RALB: variants seen among roughly 807,000 people sequenced by gnomAD.
The protein encoded by RALB is RAS like proto-oncogene B, also known as ras-related protein Ral-B.
In RALB, 16 loss-of-function variants were observed where a neutral mutation model predicts 21.3. The ratio of observed to expected loss-of-function variants is 0.75; its 90% CI spans 0.51 to 1.14. RALB has a LOEUF of 1.14. RALB is among the 50% of genes most tolerant of loss of function. RALB has a pLI of 0.00. For synonymous variants in RALB, 93 were observed against 96.1 expected (o/e 0.97, Z 0.19); for missense variants, 161 against 256.2 (o/e 0.63, Z 2.54).
intron 1 of RALB, among the ~76,000 whole-genome samples, chr2:120,268,475 C>T (rs2104610079): frequency 6.6e-6 from 1 of 152,298 alleles, no homozygotes; most frequent in South Asian, 2.1e-4. Flanking sequence ...TACCTTGTCA[C>T]CATCAGTCAA....
chr2:120,289,884 T>A lies in RALB; in HGVS notation c.501+127T>A, dbSNP rs1214474461. On this transcript the variant is annotated intron_variant, in intron 4 of 4. Transcript: ENST00000272519. ...GTGAAGATTCTGATTCCTATGAATGTCTAAGCCATTATCATGATTATAATG... is the reference window on the plus strand; with the variant it reads ...GTGAAGATTCTGATTCCTATGAATGACTAAGCCATTATCATGATTATAATG... 8.3e-6 allele frequency: 7 copies of A among 845,916 alleles called. No homozygotes were observed. The East Asian group carries it at 2.0e-4, about 25-fold the overall frequency. 52.4% of individuals were successfully genotyped at this position (845,916 alleles called of 1,614,324 possible). A position where few individuals can be genotyped will look rare whatever the true frequency, so the allele number is the denominator to read the frequency against.
chr2:120,254,966 C>T (rs145465378), intron 1 of RALB, among the ~76,000 whole-genome samples: 1 of 152,186 alleles, frequency 6.6e-6, no homozygotes. Context: ...TGTGAGCCAC[C>T]CCGTCTGGCA....
At chr2:120,287,351 G>T (rs760056554) in intron 3 of RALB, among the ~76,000 whole-genome samples, 10 of 152,332 alleles carry the variant, frequency 6.6e-5, no homozygotes, top group Non-Finnish European at 1.3e-4. Flanking sequence ...AGTGCGTGTG[G>T]TGCAGTGACT....
chr2:120,251,065 C>T (rs1261119941), upstream of RALB, among the ~76,000 whole-genome samples: 1 of 152,214 alleles, frequency 6.6e-6, no homozygotes, highest in African/African-American at 2.4e-5. Flanking sequence ...GGTGGGGAAA[C>T]CTCCTGCATC....
chr2:120,275,355 G>A (rs766563800), intron 1 of RALB, among the ~76,000 whole-genome samples: 11 of 152,298 alleles, frequency 7.2e-5, no homozygotes, highest in Admixed American at 6.5e-5. Flanking sequence ...AGGAACTGCC[G>A]CTCTTACTGC....
intron 1 of RALB, among the ~76,000 whole-genome samples, chr2:120,240,661 T>G (rs1022945046): frequency 5.9e-5 from 9 of 152,120 alleles, no homozygotes; most frequent in African/African-American, 1.7e-4. Context: ...TCCCCCTGGA[T>G]GGGAAGAATG....
intron 1 of RALB, among the ~76,000 whole-genome samples, chr2:120,264,136 A>G (rs2104600046): frequency 6.6e-6 from 1 of 151,262 alleles, no homozygotes; most frequent in African/African-American, 2.4e-5. Flanking sequence ...AGTGTGAGCC[A>G]CTGCGCTAGC....
At chr2:120,287,355 A>G (rs952185033) in intron 3 of RALB, among the ~76,000 whole-genome samples, 3 of 152,270 alleles carry the variant, frequency 2.0e-5, no homozygotes, top group Non-Finnish European at 4.4e-5. Context: ...CGTGTGGTGC[A>G]GTGACTAGTT....
intron 1 of RALB, among the ~76,000 whole-genome samples, chr2:120,273,977 T>C (rs988015549): frequency 6.6e-6 from 1 of 152,236 alleles, no homozygotes. Flanking sequence ...TTTCAATTCA[T>C]TTATTATTTC....
chr2:120,277,290 CGT>C (rs773637012), intron 1 of RALB, among the ~76,000 whole-genome samples: 59 of 151,750 alleles, frequency 3.9e-4, no homozygotes, highest in African/African-American at 4.4e-4. Flanking sequence ...TGTGCGAGAG[CGT>C]GTGTGTTCTG....
At chr2:120,242,603 T>C (rs1688913129) in intron 1 of RALB, among the ~76,000 whole-genome samples, 1 of 152,050 alleles carries the variant, frequency 6.6e-6, no homozygotes, top group South Asian at 2.1e-4. Flanking sequence ...CCGGGCGTGG[T>C]GGCAGGCGCC....
chr2:120,252,168 T>C (rs969005333), upstream of RALB, among the ~76,000 whole-genome samples: 1 of 151,372 alleles, frequency 6.6e-6, no homozygotes, highest in Non-Finnish European at 1.5e-5. Context: ...TCCACCGAGA[T>C]GAAGCTGTAC....
In RALB at chr2:120,240,287, A is replaced by AT. The variant is rs1433107492; in HGVS notation, c.19+167dup. 3.9e-3 allele frequency among the ~76,000 whole-genome samples: 520 copies of AT among 133,868 alleles called. 3 individuals carry two copies. Among genetic ancestry groups the AT allele is most frequent in the African/African-American group, 7.5e-3 (245 of 32,570 alleles). 87.8% of individuals were successfully genotyped at this position (133,868 alleles called of 152,430 possible). ...ATGGAGCTGCTACTTTTTTATTTTTATTTTTATTTTTTTTTGAGACAGGGT... is the reference window on the plus strand; with the variant it reads ...ATGGAGCTGCTACTTTTTTATTTTTATTTTTTATTTTTTTTTGAGACAGGGT... On this transcript the variant is annotated intron_variant, in intron 1 of 3. Coordinates refer to the RALB transcript ENST00000447591.
At position 120,293,086 on chromosome 2, in the gene RALB, T is replaced by A. The variant is rs888251341; in HGVS notation, c.502-55T>A. The A allele has an allele frequency of 1.5e-5, 22 of 1,515,150 alleles. 1 individual carries two copies. In the South Asian group the frequency reaches 1.6e-4, roughly 11 times the overall value. 93.9% of individuals were successfully genotyped at this position (1,515,150 alleles called of 1,614,324 possible). A position where few individuals can be genotyped will look rare whatever the true frequency, so the allele number is the denominator to read the frequency against. On this transcript the variant is annotated intron_variant, in intron 4 of 4. Coordinates refer to ENST00000272519, the MANE Select transcript of RALB (RefSeq NM_002881.3). Reference sequence around the variant, plus strand: ...GTGTCAGGTTAACAAAAGAAAAAAATCATTAAATGGCTCTTTCTTCACTAT... The same window carrying A: ...GTGTCAGGTTAACAAAAGAAAAAAAACATTAAATGGCTCTTTCTTCACTAT...
Position 120,294,114 on chromosome 2 carries a change from G to GGA in RALB, c.*855_*856insAG, listed in dbSNP as rs1440640791. On this transcript the variant is annotated 3_prime_UTR_variant, in exon 5 of 5. Transcript: ENST00000272519. Reference sequence around the variant, plus strand: ...GTTAGGCCCCTCCCTCTCCACTAGTGGTGAATGCATGTGTCTGTCTGATCA... The same window carrying GGA: ...GTTAGGCCCCTCCCTCTCCACTAGTGGAGTGAATGCATGTGTCTGTCTGATCA... The GGA allele has an allele frequency of 2.5e-6, 1 of 398,574 alleles. No homozygotes were observed. The highest frequency in any genetic ancestry group is 4.4e-6 in the Non-Finnish European group (1 of 226,072). 24.7% of individuals were successfully genotyped at this position (398,574 alleles called of 1,614,324 possible). A position where few individuals can be genotyped will look rare whatever the true frequency, so the allele number is the denominator to read the frequency against.
At chr2:120,258,753 T>C (rs1212041995) in intron 1 of RALB, among the ~76,000 whole-genome samples, 2 of 152,192 alleles carry the variant, frequency 1.3e-5, no homozygotes, top group Non-Finnish European at 2.9e-5. Context: ...GGAGAGGCAA[T>C]GGGAGTCAAA....
At chr2:120,242,655 G>A (rs777747733) in intron 1 of RALB, among the ~76,000 whole-genome samples, 10 of 152,150 alleles carry the variant, frequency 6.6e-5, no homozygotes, top group Non-Finnish European at 1.3e-4. Context: ...GGAGAATGGC[G>A]TGAACCAGGG....
intron 1 of RALB, among the ~76,000 whole-genome samples, chr2:120,277,857 G>A (rs530751967): frequency 7.1e-6 from 1 of 141,754 alleles, no homozygotes; most frequent in Non-Finnish European, 1.5e-5. Flanking sequence ...GAGAACATGA[G>A]CATGTGTGAA....
At chr2:120,257,708 T>A (rs939376183) in intron 1 of RALB, among the ~76,000 whole-genome samples, 4 of 152,264 alleles carry the variant, frequency 2.6e-5, no homozygotes, top group African/African-American at 9.6e-5. Flanking sequence ...CTCTGCTTCC[T>A]ATTTTTGGCC....
Sources: gnomAD v4.1 joint callset for allele counts (sites outside exome capture counted in the v4.1 genomes callset) on GRCh38, gnomAD v4.1.1 for gene constraint, MANE v1.5 for transcripts, NCBI Gene and HGNC (gene_info 2026-07-23, HGNC 2026-07-21) for gene names.